The following DGKK variants were observed in gnomAD, a reference collection of about 807,000 sequenced individuals.
The protein encoded by DGKK is diacylglycerol kinase kappa.
In DGKK, 35 loss-of-function variants were observed where a neutral mutation model predicts 92.2. That is an observed-to-expected ratio of 0.38 (90% CI 0.29 to 0.50). DGKK has a LOEUF of 0.50. DGKK is among the 20% of genes least tolerant of loss of function. The pLI is 0.92. For synonymous variants in DGKK, 368 were observed against 360.6 expected (o/e 1.02, Z -0.23); for missense variants, 910 against 992.2 (o/e 0.92, Z 1.11).
At chrX:50,399,665 G>C (rs1311756475) in intron 8 of DGKK, among the ~76,000 whole-genome samples, 3 of 112,220 alleles carry the variant, frequency 2.7e-5, no homozygotes, top group Non-Finnish European at 5.6e-5. Context: ...TATGAGCAGT[G>C]TATCTCTTCC....
At chrX:50,456,120 T>C (rs1399341828) in intron 1 of DGKK, among the ~76,000 whole-genome samples, 1 of 111,830 alleles carries the variant, frequency 8.9e-6, no homozygotes, top group Non-Finnish European at 1.9e-5. Context: ...TTCCTTCTGA[T>C]TGGAAACAAG....
intron 1 of DGKK, among the ~76,000 whole-genome samples, chrX:50,444,335 T>C (rs782697264): frequency 1.8e-5 from 2 of 111,256 alleles, no homozygotes; most frequent in South Asian, 7.6e-4. Context: ...GCAGGTTTGT[T>C]ATATAAGTAA....
In DGKK at chrX:50,470,392, T is replaced by C. The variant is rs1927038935; in HGVS notation, c.287A>G (p.Glu96Gly). Residue 96 changes from glutamate to glycine, a missense_variant, in exon 1 of 28, where the codon GAA becomes GGA. Coordinates refer to ENST00000611977, the MANE Select transcript of DGKK (RefSeq NM_001013742.4). The stretch of plus-strand genomic sequence containing the variant: ...TTCTGGGGCCGGCTCTGTGGCAGGT[T>C]CTGGGGCCGGTTCTGAGGCCGGCTC... ...ATEPASEPAP[E>G]PATEPAPEPA... 8.3e-7 allele frequency: 1 copy of C among 1,207,023 alleles called. No homozygotes were observed. The highest frequency in any genetic ancestry group is 1.8e-5 in the South Asian group (1 of 56,807).
intron 1 of DGKK, among the ~76,000 whole-genome samples, chrX:50,430,836 A>G (rs2147140179): frequency 8.9e-6 from 1 of 111,864 alleles, no homozygotes; most frequent in African/African-American, 3.3e-5. Context: ...CATTTCCCTC[A>G]ATCCATATTT....
intron 11 of DGKK, among the ~76,000 whole-genome samples, 164 bp from the exon 12 acceptor site, chrX:50,390,573 T>C (rs1298361784): frequency 9.0e-6 from 1 of 111,257 alleles, no homozygotes; most frequent in East Asian, 2.8e-4. Flanking sequence ...AAGGTGACCA[T>C]AAGAGGGACC....
intron 4 of DGKK, among the ~76,000 whole-genome samples, chrX:50,406,642 C>T (rs1472422550): frequency 9.0e-6 from 1 of 111,473 alleles, no homozygotes; most frequent in Non-Finnish European, 1.9e-5. Context: ...GATGCATCTG[C>T]AAGCCAAAAA....
intron 14 of DGKK, among the ~76,000 whole-genome samples, chrX:50,387,010 G>T (rs1421359702): frequency 9.0e-6 from 1 of 111,044 alleles, no homozygotes; most frequent in African/African-American, 3.3e-5. Flanking sequence ...CAGGCTTGGG[G>T]ACCTACATCT....
intron 4 of DGKK, among the ~76,000 whole-genome samples, chrX:50,417,286 G>A (rs1925458305): frequency 9.1e-6 from 1 of 109,865 alleles, no homozygotes; most frequent in South Asian, 4.0e-4. Context: ...CAAAGTTTCA[G>A]AAAAAAATTT....
intron 1 of DGKK, among the ~76,000 whole-genome samples, chrX:50,430,877 G>A (rs1364205454): frequency 4.5e-5 from 5 of 111,294 alleles, no homozygotes; most frequent in African/African-American, 1.6e-4. Flanking sequence ...TATTTCAACA[G>A]AGTCTGTAAA....
At chrX:50,466,017 C>CTTTTTTT (rs72090197) in intron 1 of DGKK, among the ~76,000 whole-genome samples, 386 of 42,666 alleles carry the variant, frequency 9.0e-3, no homozygotes, top group Non-Finnish European at 9.4e-3. Context: ...TTTCTTTTTT[C>CTTTTTTT]TTTTTTTTTT....
At position 50,370,558 on chromosome X, in the gene DGKK, C is replaced by A. The variant is rs1557223050; in HGVS notation, c.3613-9G>T. On this transcript the variant is annotated splice_polypyrimidine_tract_variant and intron_variant, in intron 26 of 27. Coordinates refer to ENST00000611977, the MANE Select transcript of DGKK (RefSeq NM_001013742.4). ...GTGTCCGAAGATTTTTCCTGAGAAA[C>A]CACAAGAGGAAGGTCAAAATGTTAG... 1.7e-6 allele frequency: 2 copies of A among 1,193,091 alleles called. No individual in the cohort carries two copies. Among genetic ancestry groups the A allele is most frequent in the African/African-American group, 1.7e-5 (1 of 57,445 alleles).
chrX:50,430,484 AGAGT>A lies in DGKK; in HGVS notation c.646-6130_646-6127del, dbSNP rs782497362. On this transcript the variant is annotated intron_variant, in intron 1 of 27. Coordinates refer to ENST00000611977, the MANE Select transcript of DGKK (RefSeq NM_001013742.4). ...CCTCAAGGCTGATTGTTTTGTGGTG[AGAGT>A]GAGTATGGTGCTAATTAGTCTATTG... Among the ~76,000 whole-genome samples, 6 of 112,038 alleles carry A rather than the reference AGAGT, an allele frequency of 5.4e-5. No homozygotes were observed. In the East Asian group the frequency reaches 1.7e-3, roughly 31 times the overall value.
In DGKK at chrX:50,433,133, G is replaced by A. The variant is rs138642317; in HGVS notation, c.646-8775C>T. Among the ~76,000 whole-genome samples the A allele has an allele frequency of 8.6e-3, 967 of 112,045 alleles. 6 individuals are homozygous for A. Among genetic ancestry groups the A allele is most frequent in the Middle Eastern group, 0.042 (9 of 216 alleles). On this transcript the variant is annotated intron_variant, in intron 1 of 27. Transcript: ENST00000611977. ...AGCCTTGAACAAGCCATTTCACTGC[G>A]ACAAGGGGCCTACTGTTAAGTTGGT...
intron 1 of DGKK, among the ~76,000 whole-genome samples, chrX:50,443,419 C>T (rs1017659270): frequency 9.0e-6 from 1 of 111,177 alleles, no homozygotes; most frequent in African/African-American, 3.3e-5. Flanking sequence ...ATTTTTAATA[C>T]ATAAAACAAA....
chrX:50,372,050 T>G (rs1379080999), intron 25 of DGKK, among the ~76,000 whole-genome samples: 1 of 110,704 alleles, frequency 9.0e-6, no homozygotes, highest in Admixed American at 9.6e-5. Context: ...ATGCTTACAG[T>G]TTTGCAAGCA....
At chrX:50,442,627 T>A (rs902946557) in intron 1 of DGKK, among the ~76,000 whole-genome samples, 19 of 111,697 alleles carry the variant, frequency 1.7e-4, no homozygotes, top group African/African-American at 4.9e-4. Context: ...AGGATTCATG[T>A]ATGTATTACA....
rs138046598 is a variant in DGKK at position 50,392,465 on chromosome X, G to A, written c.1596-16C>T. ...CATAGACAGCCTGGAAGGACAAAGAGGAAAGGGGGTCATTTCATGAACAGC... is the reference window on the plus strand; with the variant it reads ...CATAGACAGCCTGGAAGGACAAAGAAGAAAGGGGGTCATTTCATGAACAGC... On this transcript the variant is annotated splice_polypyrimidine_tract_variant and intron_variant, in intron 9 of 27. Transcript: ENST00000611977. 1,487 of 1,158,782 alleles carry A rather than the reference G, an allele frequency of 1.3e-3. 3 individuals are homozygous for A. In the Middle Eastern group the frequency reaches 0.018, roughly 14 times the overall value.
chrX:50,455,252 C>T (rs1926581461), intron 1 of DGKK, among the ~76,000 whole-genome samples: 1 of 112,075 alleles, frequency 8.9e-6, no homozygotes, highest in Admixed American at 9.4e-5. Context: ...TTTCCCTCAA[C>T]ATTTTCAGAG....
At chrX:50,404,628 T>C (rs1557227058) in intron 4 of DGKK, among the ~76,000 whole-genome samples, 1 of 109,710 alleles carries the variant, frequency 9.1e-6, no homozygotes, top group African/African-American at 3.3e-5. Context: ...GTATTTTTAG[T>C]AGAGACGGGG....
Sources: allele counts gnomAD v4.1 joint callset (sites outside exome capture counted in the v4.1 genomes callset), GRCh38; gene constraint gnomAD v4.1.1; transcripts MANE v1.5; gene names NCBI Gene and HGNC (gene_info 2026-07-23, HGNC 2026-07-21).